Variants in NXPH1 observed in about 807,000 individuals in gnomAD.
NXPH1 encodes the protein neurexophilin-1.
NXPH1 carries 5 observed loss-of-function variants against 23.7 expected under a neutral mutation model. The ratio of observed to expected loss-of-function variants is 0.21; its 90% CI spans 0.11 to 0.44. The LOEUF is 0.44. Among genes scored for constraint, NXPH1 ranks in the 20% least tolerant of loss-of-function variants. The probability of loss-of-function intolerance (pLI) is 0.99; values close to 1 mark genes in which losing one functional copy is unlikely to be tolerated. For missense variants in NXPH1, 324 were observed against 321.6 expected (o/e 1.01, Z -0.06); for synonymous variants, 144 against 122.2 (o/e 1.18, Z -1.18).
chr7:8,702,602 T>C (rs953057766), intron 2 of NXPH1, among the ~76,000 whole-genome samples: 2 of 152,118 alleles, frequency 1.3e-5, no homozygotes, highest in African/African-American at 2.4e-5. Context: ...ATGAGTTTCA[T>C]TCTTCTATTA....
intron 2 of NXPH1, 72 bp from the exon 3 acceptor site, chr7:8,750,936 G>A (rs1295248840): frequency 1.1e-5 from 15 of 1,419,582 alleles, no homozygotes; most frequent in Non-Finnish European, 1.5e-5. Context: ...CTCAGAGAAG[G>A]CTTAGATCTA....
At chr7:8,641,137 T>A in intron 2 of NXPH1, among the ~76,000 whole-genome samples, 2 of 152,284 alleles carry the variant, frequency 1.3e-5, no homozygotes, top group South Asian at 4.1e-4. Flanking sequence ...TTGATATTGA[T>A]CTTTAACACT....
intron 2 of NXPH1, among the ~76,000 whole-genome samples, chr7:8,605,479 T>C (rs554413589): frequency 3.3e-5 from 5 of 152,172 alleles, no homozygotes; most frequent in Non-Finnish European, 4.4e-5. Context: ...GGTACATTTA[T>C]TGCTAGGGAT....
intron 2 of NXPH1, among the ~76,000 whole-genome samples, chr7:8,609,951 A>G (rs1290501604): frequency 6.6e-6 from 1 of 152,168 alleles, no homozygotes; most frequent in African/African-American, 2.4e-5. Context: ...AAGGTATTGC[A>G]TTATTAAAAT....
At chr7:8,508,201 A>T (rs1817561069) in intron 2 of NXPH1, among the ~76,000 whole-genome samples, 1 of 152,134 alleles carries the variant, frequency 6.6e-6, no homozygotes, top group Non-Finnish European at 1.5e-5. Flanking sequence ...CCTGTGCAAC[A>T]AAATCATAAT....
chr7:8,522,300 C>T (rs1383767082), intron 2 of NXPH1, among the ~76,000 whole-genome samples: 1 of 152,192 alleles, frequency 6.6e-6, no homozygotes, highest in Admixed American at 6.5e-5. Flanking sequence ...TTCTGCTGGG[C>T]TAGCTCTCCA....
chr7:8,727,655 C>T lies in NXPH1; in HGVS notation c.55-23353C>T, dbSNP rs549270715. On this transcript the variant is annotated intron_variant, in intron 2 of 2. Transcript: ENST00000405863. ...CAAAGATCAGATAGTTGTAGATATG[C>T]GGCATTATTTCTGAGGGCTCTGTTC... Among the ~76,000 whole-genome samples the T allele has an allele frequency of 2.4e-3, 372 of 152,048 alleles. 3 individuals carry two copies. The highest frequency in any genetic ancestry group is 8.2e-3 in the African/African-American group (342 of 41,470).
chr7:8,537,094 C>G (rs1364984678), intron 2 of NXPH1, among the ~76,000 whole-genome samples: 2 of 151,932 alleles, frequency 1.3e-5, no homozygotes, highest in African/African-American at 4.8e-5. Context: ...ATTGTGAACT[C>G]CTTCTCAGCA....
chr7:8,481,829 C>T (rs900411709), intron 2 of NXPH1, among the ~76,000 whole-genome samples: 1 of 152,146 alleles, frequency 6.6e-6, no homozygotes, highest in East Asian at 1.9e-4. Context: ...CCCACTCCCT[C>T]CTTCCTCCCC....
In NXPH1 at chr7:8,530,049, T is replaced by A. The variant is rs191700012; in HGVS notation, c.54+94282T>A. Among the ~76,000 whole-genome samples the A allele has an allele frequency of 1.7e-3, 253 of 152,332 alleles. 1 individual carries two copies. The highest frequency in any genetic ancestry group is 5.5e-3 in the African/African-American group (229 of 41,582). On this transcript the variant is annotated intron_variant, in intron 2 of 2. Coordinates refer to ENST00000405863, the MANE Select transcript of NXPH1 (RefSeq NM_152745.3). ...AATTTAGGGGAAAACAATCCTGATT[T>A]CTTTTAGCTCATTCTGTATCAGAGT...
intron 2 of NXPH1, among the ~76,000 whole-genome samples, chr7:8,458,302 C>T (rs556708056): frequency 6.6e-6 from 1 of 152,126 alleles, no homozygotes; most frequent in Non-Finnish European, 1.5e-5. Flanking sequence ...TAACCTCTTT[C>T]TAAGTGGGGG....
intron 2 of NXPH1, among the ~76,000 whole-genome samples, chr7:8,557,913 A>T (rs2128620365): frequency 6.6e-6 from 1 of 151,766 alleles, no homozygotes; most frequent in African/African-American, 2.4e-5. Context: ...TTACTTTCTG[A>T]TCAGTTCCTC....
chr7:8,649,391 C>T (rs1820452656), intron 2 of NXPH1, among the ~76,000 whole-genome samples: 1 of 151,848 alleles, frequency 6.6e-6, no homozygotes, highest in African/African-American at 2.4e-5. Flanking sequence ...TTCAAACTAC[C>T]TACTTTACAA....
intron 2 of NXPH1, among the ~76,000 whole-genome samples, chr7:8,506,366 G>A (rs2128613281): frequency 6.6e-6 from 1 of 152,194 alleles, no homozygotes; most frequent in East Asian, 1.9e-4. Flanking sequence ...CCATGTCTTA[G>A]TCACCTCATT....
intron 2 of NXPH1, among the ~76,000 whole-genome samples, chr7:8,651,922 T>C (rs1242507117): frequency 6.6e-6 from 1 of 152,028 alleles, no homozygotes; most frequent in African/African-American, 2.4e-5. Context: ...TTCTTTAAGA[T>C]ACTTTTTCCT....
intron 2 of NXPH1, among the ~76,000 whole-genome samples, chr7:8,611,000 T>A (rs1414030820): frequency 6.6e-6 from 1 of 152,184 alleles, no homozygotes; most frequent in African/African-American, 2.4e-5. Flanking sequence ...TGGGTCTGGA[T>A]AATAGCCATT....
chr7:8,550,236 A>T (rs982714829), intron 2 of NXPH1, among the ~76,000 whole-genome samples: 1 of 151,572 alleles, frequency 6.6e-6, no homozygotes, highest in Admixed American at 6.6e-5. Context: ...GGGGATAGAG[A>T]TGACTTGGAC....
chr7:8,547,726 C>A (rs920592501), intron 2 of NXPH1, among the ~76,000 whole-genome samples: 4 of 151,418 alleles, frequency 2.6e-5, no homozygotes, highest in African/African-American at 4.8e-5. Flanking sequence ...TGTTTAGTCC[C>A]CACTTCTAAG....
chr7:8,481,464 T>TAAATACTATGAAATAAAAC (rs1817070546), intron 2 of NXPH1, among the ~76,000 whole-genome samples: 1 of 152,126 alleles, frequency 6.6e-6, no homozygotes, highest in Non-Finnish European at 1.5e-5. Context: ...GGAAATAAAA[T>TAAATACTATGAAATAAAAC]AAATACTATG....
Sources: allele counts gnomAD v4.1 joint callset (sites outside exome capture counted in the v4.1 genomes callset), GRCh38; gene constraint gnomAD v4.1.1; transcripts MANE v1.5; gene names NCBI Gene and HGNC (gene_info 2026-07-23, HGNC 2026-07-21).